KYAT3: variants seen among roughly 807,000 people sequenced by gnomAD.
The protein encoded by KYAT3 is kynurenine--oxoglutarate transaminase 3.
A neutral mutation model predicts 59.0 loss-of-function variants in KYAT3; 50 were observed. That is an observed-to-expected ratio of 0.85 (90% CI 0.68 to 1.07). The LOEUF (loss-of-function observed/expected upper bound fraction) is 1.07, where lower values mean the gene tolerates loss of function less well. Ranked by LOEUF, KYAT3 falls within the 50% of genes least tolerant of loss-of-function variation. The pLI, the probability that KYAT3 is intolerant of heterozygous loss-of-function variation, is 0.00. For synonymous variants in KYAT3, 148 were observed against 177.0 expected (o/e 0.84, Z 1.30); for missense variants, 497 against 533.3 (o/e 0.93, Z 0.67).
intron 2 of KYAT3, among the ~76,000 whole-genome samples, chr1:88,971,173 A>C (rs950637397): frequency 6.6e-6 from 1 of 152,224 alleles, no homozygotes; most frequent in Non-Finnish European, 1.5e-5. Context: ...ACAAAGGATG[A>C]TTTATACATA....
chr1:88,966,427 C>T (rs1382210481), intron 4 of KYAT3, among the ~76,000 whole-genome samples: 1 of 152,024 alleles, frequency 6.6e-6, no homozygotes, highest in Non-Finnish European at 1.5e-5. Context: ...TTTCATCGTA[C>T]AGATCTTGGA....
At chr1:88,965,552 T>C (rs888217945) in intron 4 of KYAT3, among the ~76,000 whole-genome samples, 10 of 152,308 alleles carry the variant, frequency 6.6e-5, no homozygotes, top group Admixed American at 1.3e-4. Context: ...ACTACTTTCA[T>C]AGGAGAAGTG....
chr1:88,958,209 A>G (rs12058941), intron 8 of KYAT3, among the ~76,000 whole-genome samples: 4,945 of 152,288 alleles, frequency 0.032, 242 homozygotes, highest in African/African-American at 0.11. Flanking sequence ...CAGCCCTTCC[A>G]TACAAATCTG....
In KYAT3 at chr1:88,961,888, G is replaced by C. The variant is rs3753683; in HGVS notation, c.540+171C>G. ...GCTGAAGATTTTGTGACTCACCTTA[G>C]TGTATTACTTATGTTAAAAATATTT... On this transcript the variant is annotated intron_variant, in intron 6 of 13. Transcript: ENST00000260508. Among the ~76,000 whole-genome samples the C allele has an allele frequency of 0.42, 63,957 of 152,072 alleles. 14,283 individuals are homozygous for C. Among genetic ancestry groups the C allele is most frequent in the Non-Finnish European group, 0.49 (33,639 of 67,986 alleles).
chr1:88,962,138 A>G lies in KYAT3; in HGVS notation c.461T>C (p.Leu154Pro), dbSNP rs75696718. The G allele has an allele frequency of 5.4e-4, 869 of 1,610,538 alleles. 6 individuals carry two copies. In the African/African-American group the frequency reaches 9.5e-3, roughly 18 times the overall value. ...ATAGCAGTCATAGAAAGGCACTATT[A>G]GTATGACCTGCAATAAAAGCAAATA... ...ALIDEGDEVILIVPFYDCYEP... is the reference protein window; with the variant it reads ...ALIDEGDEVIPIVPFYDCYEP... The change falls in exon 6 of 14, where the codon CTA (leucine) becomes CCA (proline). Residue 154 changes from leucine (L) to proline (P), a missense_variant. Leu to Pro is a moderately conservative substitution (Grantham distance 98, BLOSUM62 -3). This residue lies in a region of KYAT3 where 469 missense variants were observed against 479.1 expected (regional missense o/e 0.98). Coordinates refer to ENST00000260508, the MANE Select transcript of KYAT3 (RefSeq NM_001008661.3).
At position 88,936,193 on chromosome 1, in the gene KYAT3, T is replaced by C; in HGVS notation, c.1355A>G (p.Gln452Arg). Residue 452 changes from glutamine (Q) to arginine (R), a missense_variant, in exon 14 of 14, where the codon CAG (glutamine) becomes CGG (arginine). Gln to Arg is a conservative substitution (Grantham distance 43). Transcript: ENST00000260508. Reference protein sequence around the residue: ...AEEIIKAWSVQKS With the variant: ...AEEIIKAWSVRKS ...TCCATTCTGCACAAATCAAGACTTCTGTACACTCCATGCCTTGATGATTTC... is the reference window on the plus strand; with the variant it reads ...TCCATTCTGCACAAATCAAGACTTCCGTACACTCCATGCCTTGATGATTTC... 6.2e-7 allele frequency: 1 copy of C among 1,609,994 alleles called. No individual in the cohort carries two copies. The highest frequency in any genetic ancestry group is 8.5e-7 in the Non-Finnish European group (1 of 1,176,778).
At chr1:88,935,376 GA>G (rs1553166759), downstream of KYAT3, among the ~76,000 whole-genome samples, 75 of 43,084 alleles carry the variant, frequency 1.7e-3, 2 homozygotes, top group Middle Eastern at 9.4e-3. Context: ...GAGAGAGAGA[GA>G]AAAAAAAAAG....
At chr1:88,938,925 A>G (rs542206015) in intron 13 of KYAT3, among the ~76,000 whole-genome samples, 36 of 152,346 alleles carry the variant, frequency 2.4e-4, no homozygotes, top group Admixed American at 8.5e-4. Flanking sequence ...GTCATTCGAA[A>G]TGTGCAAATA....
intron 4 of KYAT3, among the ~76,000 whole-genome samples, chr1:88,968,359 T>A (rs1034348653): frequency 2.6e-5 from 4 of 152,302 alleles, no homozygotes; most frequent in East Asian, 3.9e-4. Flanking sequence ...TCAGGCTGCA[T>A]AAATGTTGAT....
At chr1:88,983,077 A>G (rs1482910133) in intron 2 of KYAT3, 1 of 1,612,484 alleles carries the variant, frequency 6.2e-7, no homozygotes. Flanking sequence ...CATCACGTGA[A>G]CTGGAATGAC....
At chr1:88,949,063 A>G (rs751446291) in intron 11 of KYAT3, 28 bp downstream of exon 11, 1 of 1,469,748 alleles carries the variant, frequency 6.8e-7, no homozygotes, top group Non-Finnish European at 9.0e-7. Context: ...GTTTCCGTAT[A>G]GTTGAAATAA....
intron 2 of KYAT3, among the ~76,000 whole-genome samples, chr1:88,986,192 AAGAGAGAG>A: frequency 1.3e-5 from 2 of 150,214 alleles, no homozygotes; most frequent in East Asian, 3.9e-4. Flanking sequence ...AAAAAAAAAA[AAGAGAGAG>A]AGAGAGAGAC....
intron 8 of KYAT3, among the ~76,000 whole-genome samples, chr1:88,959,289 A>G (rs1676051907): frequency 6.6e-6 from 1 of 151,364 alleles, no homozygotes; most frequent in Non-Finnish European, 1.5e-5. Flanking sequence ...AAAAAAAAAA[A>G]AAATTAAGGC....
intron 2 of KYAT3, chr1:88,982,778 G>T (rs1557705433): frequency 6.2e-7 from 1 of 1,613,964 alleles, no homozygotes; most frequent in East Asian, 2.2e-5. Flanking sequence ...TTCTACAGAA[G>T]GGGGAAGCCC....
At chr1:88,953,946 A>G (rs2101033838) in intron 9 of KYAT3, among the ~76,000 whole-genome samples, 1 of 146,794 alleles carries the variant, frequency 6.8e-6, no homozygotes, top group East Asian at 2.0e-4. Context: ...CTTGTTGCCC[A>G]GACTAGAGTG....
At chr1:88,944,456 A>G (rs970098930) in intron 11 of KYAT3, among the ~76,000 whole-genome samples, 1 of 152,228 alleles carries the variant, frequency 6.6e-6, no homozygotes, top group Non-Finnish European at 1.5e-5. Context: ...AAAATTTCCA[A>G]GTAATAATGC....
intron 2 of KYAT3, among the ~76,000 whole-genome samples, chr1:88,976,290 G>A (rs1201385287): frequency 6.6e-6 from 1 of 151,972 alleles, no homozygotes; most frequent in Non-Finnish European, 1.5e-5. Context: ...CCGGGAGGCA[G>A]AGGTTGCAGT....
chr1:88,960,319 C>T (rs980036959), intron 8 of KYAT3, among the ~76,000 whole-genome samples: 17 of 151,926 alleles, frequency 1.1e-4, no homozygotes, highest in African/African-American at 3.4e-4. Context: ...ATTTATTCAA[C>T]AATTTCTTTC....
rs556665437 is a variant in KYAT3 at position 88,943,106 on chromosome 1, G to A, written c.1216-15C>T. On this transcript the variant is annotated splice_polypyrimidine_tract_variant and intron_variant, in intron 12 of 13. Coordinates refer to ENST00000260508, the MANE Select transcript of KYAT3 (RefSeq NM_001008661.3). ...GCTGATAGTTTCTGAAAAATAAATA[G>A]AAACATATAATAAGAAAACTACTTA... 1.9e-6 allele frequency: 3 copies of A among 1,572,438 alleles called. No homozygotes were observed. The highest frequency in any genetic ancestry group is 2.6e-6 in the Non-Finnish European group (3 of 1,144,220).
Sources: allele counts gnomAD v4.1 joint callset (sites outside exome capture counted in the v4.1 genomes callset), GRCh38; gene constraint gnomAD v4.1.1; regional missense constraint gnomAD v4.1.1; transcripts MANE v1.5; gene names NCBI Gene and HGNC (gene_info 2026-07-23, HGNC 2026-07-21).